NKAIN3: variants seen among roughly 807,000 people sequenced by gnomAD.
The protein encoded by NKAIN3 is sodium/potassium transporting ATPase interacting 3, also known as sodium/potassium-transporting ATPase subunit beta-1-interacting protein 3.
NKAIN3 carries 25 observed loss-of-function variants against 30.2 expected under a neutral mutation model. The observed-to-expected ratio is 0.83, with a 90% confidence interval of 0.60 to 1.16. The LOEUF is 1.16. NKAIN3 is among the 50% of genes most tolerant of loss of function. NKAIN3 has a pLI of 0.00. For synonymous variants in NKAIN3, 91 were observed against 89.6 expected (o/e 1.02, Z -0.09); for missense variants, 225 against 254.1 (o/e 0.89, Z 0.78).
chr8:62,415,450 T>G (rs1359758354), intron 1 of NKAIN3, among the ~76,000 whole-genome samples: 1 of 150,000 alleles, frequency 6.7e-6, no homozygotes, highest in Non-Finnish European at 1.5e-5. Flanking sequence ...TCTACATAGT[T>G]GTCAAGAAGC....
At chr8:62,827,713 G>A (rs575388071) in intron 4 of NKAIN3, among the ~76,000 whole-genome samples, 1 of 152,130 alleles carries the variant, frequency 6.6e-6, no homozygotes, top group East Asian at 1.9e-4. Context: ...AAACAAATAA[G>A]AGTAGACAAT....
intron 3 of NKAIN3, among the ~76,000 whole-genome samples, chr8:62,692,080 G>T (rs1314459722): frequency 6.6e-6 from 1 of 152,108 alleles, no homozygotes; most frequent in Non-Finnish European, 1.5e-5. Context: ...TGGGCTTTTT[G>T]TCCAGTCATG....
chr8:62,915,930 T>C (rs1385722319), intron 4 of NKAIN3, among the ~76,000 whole-genome samples: 1 of 152,026 alleles, frequency 6.6e-6, no homozygotes, highest in Non-Finnish European at 1.5e-5. Flanking sequence ...AAAACATAAA[T>C]GGCTAATAAA....
chr8:62,998,451 T>A (rs531835206), intron 5 of NKAIN3, among the ~76,000 whole-genome samples: 2 of 152,262 alleles, frequency 1.3e-5, no homozygotes, highest in South Asian at 4.1e-4. Context: ...ATTTTTGTAT[T>A]TTTAGTAGAG....
rs1442746484 is a variant in NKAIN3 at position 62,455,114 on chromosome 8, A to G, written c.55-124425A>G. Among the ~76,000 whole-genome samples the G allele has an allele frequency of 2.6e-5, 4 of 152,254 alleles. No individual in the cohort carries two copies. In the East Asian group the frequency reaches 7.7e-4, roughly 29 times the overall value. On this transcript the variant is annotated intron_variant, in intron 1 of 6. Coordinates refer to ENST00000623646, the MANE Select transcript of NKAIN3 (RefSeq NM_001304533.3). ...GGTAGGATAAAGTCAGAGAAGAGGTAGAGAAAATTCTGGGGGATGTCCCTA... is the reference window on the plus strand; with the variant it reads ...GGTAGGATAAAGTCAGAGAAGAGGTGGAGAAAATTCTGGGGGATGTCCCTA...
At chr8:62,353,496 A>G (rs949686380) in intron 1 of NKAIN3, among the ~76,000 whole-genome samples, 1 of 152,176 alleles carries the variant, frequency 6.6e-6, no homozygotes, top group Non-Finnish European at 1.5e-5. Flanking sequence ...TCATTAAGCT[A>G]TTAGTCACAA....
intron 3 of NKAIN3, among the ~76,000 whole-genome samples, chr8:62,669,220 C>A (rs1813223386): frequency 1.3e-5 from 2 of 152,174 alleles, no homozygotes; most frequent in Non-Finnish European, 2.9e-5. Context: ...GTGGACAATT[C>A]CTGCTTTAGA....
intron 3 of NKAIN3, among the ~76,000 whole-genome samples, chr8:62,621,689 T>C (rs1435221208): frequency 6.6e-6 from 1 of 152,124 alleles, no homozygotes; most frequent in Non-Finnish European, 1.5e-5. Context: ...TGTACCCTTT[T>C]TAATTTTACT....
intron 1 of NKAIN3, among the ~76,000 whole-genome samples, chr8:62,322,337 G>C (rs572849411): frequency 1.3e-5 from 2 of 152,170 alleles, no homozygotes; most frequent in East Asian, 3.9e-4. Context: ...CCACTGTCCT[G>C]CACCCACTTT....
At chr8:62,287,932 C>A (rs570960303) in intron 1 of NKAIN3, among the ~76,000 whole-genome samples, 5 of 152,170 alleles carry the variant, frequency 3.3e-5, no homozygotes, top group Non-Finnish European at 7.3e-5. Flanking sequence ...CTCCGCTTAA[C>A]CTGTATGTTC....
intron 1 of NKAIN3, among the ~76,000 whole-genome samples, chr8:62,460,274 T>C (rs905302792): frequency 2.0e-5 from 3 of 151,786 alleles, no homozygotes; most frequent in African/African-American, 7.3e-5. Context: ...TAGCCGGGTG[T>C]GGTGGCAGGT....
intron 1 of NKAIN3, among the ~76,000 whole-genome samples, chr8:62,568,501 G>A (rs1809825355): frequency 6.6e-6 from 1 of 152,136 alleles, no homozygotes; most frequent in Non-Finnish European, 1.5e-5. Context: ...TTCTGAGTCA[G>A]TGCACAAGAA....
chr8:62,617,350 C>T (rs1415106272), intron 3 of NKAIN3, among the ~76,000 whole-genome samples: 1 of 152,194 alleles, frequency 6.6e-6, no homozygotes, highest in African/African-American at 2.4e-5. Flanking sequence ...AGAATGGGCA[C>T]AGATATGTAC....
chr8:62,592,822 G>A (rs1006521065), intron 3 of NKAIN3, among the ~76,000 whole-genome samples: 9 of 151,874 alleles, frequency 5.9e-5, no homozygotes, highest in South Asian at 2.1e-4. Context: ...CAGAAAAAAA[G>A]TAGACTTCAA....
chr8:62,542,926 CT>C (rs1475637918), intron 1 of NKAIN3, among the ~76,000 whole-genome samples: 5 of 152,120 alleles, frequency 3.3e-5, no homozygotes, highest in Non-Finnish European at 7.4e-5. Flanking sequence ...CACTGGCTAC[CT>C]AAAAAGGCAG....
At chr8:62,403,142 C>A (rs1049403139) in intron 1 of NKAIN3, among the ~76,000 whole-genome samples, 1 of 152,130 alleles carries the variant, frequency 6.6e-6, no homozygotes. Context: ...TTTGCCCCTG[C>A]CCTAAATATT....
At chr8:62,797,082 T>C (rs1178503726) in intron 4 of NKAIN3, among the ~76,000 whole-genome samples, 1 of 152,258 alleles carries the variant, frequency 6.6e-6, no homozygotes, top group Non-Finnish European at 1.5e-5. Flanking sequence ...GTATGTGACT[T>C]GATCTTTATT....
Position 62,982,179 on chromosome 8 carries a change from A to G in NKAIN3, c.*16772A>G, listed in dbSNP as rs1488562003. 1 of 152,230 alleles carries G rather than the reference A, an allele frequency of 6.6e-6. No individual in the cohort carries two copies. 9.4% of individuals were successfully genotyped at this position (152,230 alleles called of 1,614,324 possible). ...TTCATTTGTATTATGATGATTTCAG[A>G]CTATCAATTTAAAAATTCATTAGTA... is the stretch of plus-strand genomic sequence containing the variant. On this transcript the variant is annotated 3_prime_UTR_variant, in exon 7 of 7. Coordinates refer to ENST00000623646, the MANE Select transcript of NKAIN3 (RefSeq NM_001304533.3).
chr8:62,957,124 G>A (rs900060829), intron 6 of NKAIN3, among the ~76,000 whole-genome samples: 3 of 142,724 alleles, frequency 2.1e-5, no homozygotes, highest in African/African-American at 2.7e-5. Context: ...CTTACACACC[G>A]ATATTTATAG....
Sources: gnomAD v4.1 joint callset for allele counts (sites outside exome capture counted in the v4.1 genomes callset) on GRCh38, gnomAD v4.1.1 for gene constraint, MANE v1.5 for transcripts, NCBI Gene and HGNC (gene_info 2026-07-23, HGNC 2026-07-21) for gene names.